The following SCAPER variants were observed in gnomAD, a reference collection of about 807,000 sequenced individuals.
SCAPER encodes S-phase cyclin A associated protein in the ER.
Under a neutral mutation model 182.2 loss-of-function variants are expected in SCAPER, and 98 were observed. The observed-to-expected ratio is 0.54, with a 90% CI of 0.46 to 0.64. The LOEUF (loss-of-function observed/expected upper bound fraction) is 0.64. SCAPER is among the 30% of genes least tolerant of loss of function. The probability of loss-of-function intolerance (pLI) is 0.00; values close to 1 mark genes in which losing one functional copy is unlikely to be tolerated. For missense variants in SCAPER, 1,432 were observed against 1,690.0 expected, an observed-to-expected ratio of 0.85 and a Z score of 2.68; for synonymous variants, 605 against 564.6, an observed-to-expected ratio of 1.07 and a Z score of -1.01.
chr15:76,804,625 T>G lies in SCAPER; in HGVS notation c.402A>C (p.Leu134=). Residue 134 remains leucine, a synonymous_variant, in exon 6 of 32, where the codon CTA becomes CTC. Coordinates refer to ENST00000563290, the MANE Select transcript of SCAPER (RefSeq NM_020843.4). ...DQSVVECKEV[L]MMLDNYVRDF... ...CTCTTACATAGTTATCCAGCATCAT[T>G]AGCACCTCCTAAAAGAAACAAAACA... is the stretch of plus-strand genomic sequence containing the variant. 5 of 1,597,626 alleles carry G rather than the reference T, an allele frequency of 3.1e-6. No individual in the cohort carries two copies. Among genetic ancestry groups the G allele is most frequent in the Non-Finnish European group, 4.3e-6 (5 of 1,172,034 alleles).
chr15:76,389,046 T>C (rs959231742), intron 27 of SCAPER, among the ~76,000 whole-genome samples: 4 of 152,130 alleles, frequency 2.6e-5, no homozygotes, highest in African/African-American at 4.8e-5. Context: ...GTTATTTATA[T>C]AGTAAGATGT....
chr15:76,658,307 C>A (rs995440292), intron 21 of SCAPER, among the ~76,000 whole-genome samples: 1 of 152,058 alleles, frequency 6.6e-6, no homozygotes, highest in African/African-American at 2.4e-5. Context: ...CAATCCCATT[C>A]ACAATAGCCA....
chr15:76,844,933 T>A (rs1032359392), intron 4 of SCAPER, among the ~76,000 whole-genome samples: 1 of 152,102 alleles, frequency 6.6e-6, no homozygotes, highest in Admixed American at 6.6e-5. Flanking sequence ...CAGGCCACTA[T>A]CTTTGATGAA....
At chr15:76,536,699 T>C (rs2044196035) in intron 23 of SCAPER, among the ~76,000 whole-genome samples, 1 of 152,020 alleles carries the variant, frequency 6.6e-6, no homozygotes, top group Admixed American at 6.6e-5. Flanking sequence ...CAACATAGTG[T>C]TGGAAGTTCT....
intron 27 of SCAPER, among the ~76,000 whole-genome samples, chr15:76,393,784 C>T (rs2142040717): frequency 6.6e-6 from 1 of 152,342 alleles, no homozygotes; most frequent in Non-Finnish European, 1.5e-5. Context: ...TGCTCTCTCA[C>T]TGCCAGGATG....
At chr15:76,517,073 T>C (rs1392200996) in intron 23 of SCAPER, among the ~76,000 whole-genome samples, 1 of 152,034 alleles carries the variant, frequency 6.6e-6, no homozygotes, top group African/African-American at 2.4e-5. Context: ...GTTTATCTGA[T>C]TTCTGAGTGT....
intron 26 of SCAPER, among the ~76,000 whole-genome samples, chr15:76,430,049 C>T (rs144087598): frequency 6.6e-4 from 100 of 152,336 alleles, no homozygotes; most frequent in Non-Finnish European, 9.7e-4. Flanking sequence ...ACAGCTTGGG[C>T]TGTTGCTCCA....
Position 76,504,836 on chromosome 15 carries a change from A to C in SCAPER, c.2954+23T>G, listed in dbSNP as rs947964147. On this transcript the variant is annotated intron_variant, in intron 24 of 31. Transcript: ENST00000563290. ...ATGACTCACAAATGAAACGTAAAAA[A>C]TAGATTAAGAAACTATACTTACTTA... 1.9e-6 allele frequency: 3 copies of C among 1,555,594 alleles called. No homozygotes were observed. In the African/African-American group the frequency reaches 4.1e-5, roughly 21 times the overall value.
At chr15:76,677,397 C>T (rs531207675) in intron 20 of SCAPER, among the ~76,000 whole-genome samples, 53 of 152,004 alleles carry the variant, frequency 3.5e-4, no homozygotes, top group Non-Finnish European at 2.5e-4. Context: ...AAGAGATCCA[C>T]ACCAAGATAA....
intron 23 of SCAPER, among the ~76,000 whole-genome samples, chr15:76,555,340 A>C (rs2046113494): frequency 6.6e-6 from 1 of 152,188 alleles, no homozygotes; most frequent in African/African-American, 2.4e-5. Context: ...ATGCATAATA[A>C]CTAGCTAACA....
intron 23 of SCAPER, among the ~76,000 whole-genome samples, chr15:76,553,696 C>T (rs1292078989): frequency 3.3e-5 from 5 of 152,218 alleles, no homozygotes; most frequent in South Asian, 2.1e-4. Context: ...AGTAAGAGCA[C>T]ACAGCCAAGG....
At chr15:76,445,395 T>A (rs1392438599) in intron 25 of SCAPER, among the ~76,000 whole-genome samples, 1 of 152,220 alleles carries the variant, frequency 6.6e-6, no homozygotes, top group Non-Finnish European at 1.5e-5. Context: ...GAGTGATTTT[T>A]AAATTATATT....
chr15:76,754,056 T>C, intron 14 of SCAPER, 108 bp from the exon 15 acceptor site: 1 of 1,212,740 alleles, frequency 8.2e-7, no homozygotes, highest in South Asian at 1.6e-5. Context: ...CGTGGAAAAA[T>C]GTGCAGCAAC....
At chr15:76,450,400 C>G (rs138875845) in intron 25 of SCAPER, among the ~76,000 whole-genome samples, 70 of 152,200 alleles carry the variant, frequency 4.6e-4, no homozygotes, top group African/African-American at 1.6e-3. Flanking sequence ...TATTTATTCC[C>G]CTCAATAATT....
intron 21 of SCAPER, among the ~76,000 whole-genome samples, chr15:76,623,214 T>C (rs569668594): frequency 3.9e-5 from 6 of 152,344 alleles, no homozygotes; most frequent in Admixed American, 1.3e-4. Context: ...GTTCACTCCA[T>C]TGACAGTTTC....
chr15:76,624,805 T>C (rs919534258), intron 21 of SCAPER, among the ~76,000 whole-genome samples: 3 of 152,158 alleles, frequency 2.0e-5, no homozygotes, highest in Admixed American at 6.5e-5. Context: ...GTGAGCTGAT[T>C]CTTGGGCCTA....
chr15:76,379,171 A>C (rs144346544), intron 28 of SCAPER, among the ~76,000 whole-genome samples: 49 of 152,346 alleles, frequency 3.2e-4, no homozygotes, highest in African/African-American at 1.1e-3. Context: ...GTCCCCTCAC[A>C]TGCTGATGAA....
intron 21 of SCAPER, among the ~76,000 whole-genome samples, chr15:76,653,200 G>A (rs1050398479): frequency 2.1e-4 from 32 of 151,548 alleles, no homozygotes; most frequent in African/African-American, 2.7e-4. Context: ...CAAAACTGCC[G>A]AAAAAAAATT....
intron 26 of SCAPER, among the ~76,000 whole-genome samples, chr15:76,422,766 T>C (rs953087700): frequency 6.6e-6 from 1 of 152,214 alleles, no homozygotes; most frequent in Admixed American, 6.5e-5. Flanking sequence ...TTGCCATAGA[T>C]AGCTCTTATT....
Sources: allele counts gnomAD v4.1 joint callset (sites outside exome capture counted in the v4.1 genomes callset), GRCh38; gene constraint gnomAD v4.1.1; transcripts MANE v1.5; gene names NCBI Gene and HGNC (gene_info 2026-07-23, HGNC 2026-07-21).